Variants in SLC45A4 observed in about 807,000 individuals in gnomAD.
SLC45A4 encodes polyamine-transporter SLC45A4.
Under a neutral mutation model 63.7 loss-of-function variants are expected in SLC45A4, and 32 were observed. That is an observed-to-expected ratio of 0.50 (90% CI 0.38 to 0.67). The LOEUF is 0.67. Ranked by LOEUF, SLC45A4 falls within the 30% of genes least tolerant of loss-of-function variation. The pLI is 0.00. For synonymous variants in SLC45A4, 535 were observed against 510.0 expected (o/e 1.05, Z -0.66); for missense variants, 1,027 against 1,157.7 (o/e 0.89, Z 1.64).
chr8:141,216,699 G>A (rs770917617), intron 6 of SLC45A4, among the ~76,000 whole-genome samples: 3 of 147,426 alleles, frequency 2.0e-5, no homozygotes, highest in Non-Finnish European at 3.0e-5. Flanking sequence ...CTGTCACCCC[G>A]GCCCCATCCC....
rs573663144 is a variant in SLC45A4, at chr8:141,302,769, C to T, written c.-401+5327G>A. On this transcript the variant is annotated intron_variant, in intron 1 of 8. Coordinates refer to ENST00000517878, the MANE Select transcript of SLC45A4 (RefSeq NM_001286646.2). ...TCTACGATACTCAGGCAGTCCCCCTCGCCTCGTGTCTAACATGCTCTTAAT... is the reference window on the plus strand; with the variant it reads ...TCTACGATACTCAGGCAGTCCCCCTTGCCTCGTGTCTAACATGCTCTTAAT... Among the ~76,000 whole-genome samples, 5 of 152,338 alleles carry T rather than the reference C, an allele frequency of 3.3e-5. No individual in the cohort carries two copies. In the East Asian group the frequency reaches 7.7e-4, roughly 23 times the overall value.
At chr8:141,228,050 G>A (rs1450943759) in intron 2 of SLC45A4, 4 of 1,132,886 alleles carry the variant, frequency 3.5e-6, no homozygotes, top group Non-Finnish European at 3.9e-6. Flanking sequence ...TCTAGAGGGT[G>A]AGGCAGAGCC....
At chr8:141,237,028 G>A (rs1193356352) in intron 2 of SLC45A4, among the ~76,000 whole-genome samples, 13 of 152,022 alleles carry the variant, frequency 8.6e-5, no homozygotes, top group Admixed American at 7.9e-4. Flanking sequence ...TCATTTTTCG[G>A]CAGAAATAAT....
chr8:141,227,719 G>A lies in SLC45A4; in HGVS notation c.242-5954C>T, dbSNP rs1253803567. On this transcript the variant is annotated intron_variant, in intron 2 of 8. Transcript: ENST00000517878. This position sits in a 1 kb window ranked among gnomAD's most constrained non-coding sequence, Gnocchi z 4.4. ...CGAGGGCCCCACAGCTGCAAGGAAT[G>A]TTCCAGAACCACTACAGCCACAGGA... Among the ~76,000 whole-genome samples, 2 of 152,202 alleles carry A rather than the reference G, an allele frequency of 1.3e-5. No homozygotes were observed. The highest frequency in any genetic ancestry group is 2.9e-5 in the Non-Finnish European group (2 of 68,040).
intron 1 of SLC45A4, among the ~76,000 whole-genome samples, chr8:141,269,964 G>A (rs955091128): frequency 1.3e-5 from 2 of 152,012 alleles, no homozygotes; most frequent in African/African-American, 4.8e-5. Flanking sequence ...GTCTTTCCCC[G>A]CACTCCTCTG....
chr8:141,235,391 G>A (rs1040172151), intron 2 of SLC45A4, among the ~76,000 whole-genome samples: 1 of 152,212 alleles, frequency 6.6e-6, no homozygotes, highest in African/African-American at 2.4e-5. Context: ...TGTGGCTGCA[G>A]TTAAATCATG....
chr8:141,218,675 G>A lies in SLC45A4; in HGVS notation c.965C>T (p.Pro322Leu). 6 of 1,613,040 alleles carry A rather than the reference G, an allele frequency of 3.7e-6. No individual in the cohort carries two copies. Among genetic ancestry groups the A allele is most frequent in the Non-Finnish European group, 5.1e-6 (6 of 1,179,698 alleles). ...HVPDTALDLE[P>L]ELLFLHDIEP... Reference sequence around the variant, plus strand: ...GATGTCGTGCAGGAACAGCAGCTCGGGCTCCAGGTCCAGCGCGGTGTCCGG... The same window carrying A: ...GATGTCGTGCAGGAACAGCAGCTCGAGCTCCAGGTCCAGCGCGGTGTCCGG... Residue 322 changes from proline to leucine, a missense_variant, in exon 5 of 9, where the codon CCC becomes CTC. Physicochemically the swap from Pro to Leu is moderately conservative, Grantham distance 98. Transcript: ENST00000517878.
Position 141,211,144 on chromosome 8 carries a change from C to T in SLC45A4, c.*428G>A. 2 of 305,960 alleles carry T rather than the reference C, an allele frequency of 6.5e-6. No individual in the cohort carries two copies. The highest frequency in any genetic ancestry group is 1.2e-5 in the Non-Finnish European group (2 of 166,052). The allele number at this position is 305,960 out of a possible 1,614,324, so 19.0% of individuals were successfully genotyped here. Reference sequence around the variant, plus strand: ...CCACACACCCGAGGTAGCCTTGCGGCGGGACTTGGGAGGCAGGGCCCGCTG... The same window carrying T: ...CCACACACCCGAGGTAGCCTTGCGGTGGGACTTGGGAGGCAGGGCCCGCTG... On this transcript the variant is annotated 3_prime_UTR_variant, in exon 9 of 9. Transcript: ENST00000517878.
chr8:141,231,182 G>A (rs913104740), intron 2 of SLC45A4, among the ~76,000 whole-genome samples: 1 of 152,234 alleles, frequency 6.6e-6, no homozygotes, highest in Non-Finnish European at 1.5e-5. Context: ...GGTGCGGAGG[G>A]TGGGATGAAG....
intron 2 of SLC45A4, among the ~76,000 whole-genome samples, chr8:141,251,068 A>C (rs1416528779): frequency 6.6e-6 from 1 of 152,156 alleles, no homozygotes; most frequent in Non-Finnish European, 1.5e-5. Flanking sequence ...CAGGAACCGG[A>C]GGTTCTAAAT....
chr8:141,246,579 A>G (rs576595677), intron 2 of SLC45A4, among the ~76,000 whole-genome samples: 1 of 152,218 alleles, frequency 6.6e-6, no homozygotes, highest in Non-Finnish European at 1.5e-5. Context: ...ATGCTGCCAT[A>G]TTCTATTGGT....
chr8:141,218,031 T>C lies in SLC45A4; in HGVS notation c.1609A>G (p.Ile537Val), dbSNP rs774194996. ...VFYTDFMGQV[I>V]FEGDPKAPSN... is the part of the protein sequence containing the mutation. ...CTCACCTTGGGGTCGCCTTCGAAGATGACCTGGCCCATGAAGTCGGTGTAG... is the reference window on the plus strand; with the variant it reads ...CTCACCTTGGGGTCGCCTTCGAAGACGACCTGGCCCATGAAGTCGGTGTAG... Residue 537 changes from isoleucine to valine, a missense_variant, in exon 5 of 9, where the codon ATC becomes GTC. Physicochemically the swap from Ile to Val is conservative, Grantham distance 29. Transcript: ENST00000517878. 4 of 1,607,638 alleles carry C rather than the reference T, an allele frequency of 2.5e-6. No individual in the cohort carries two copies. Among genetic ancestry groups the C allele is most frequent in the Non-Finnish European group, 3.4e-6 (4 of 1,176,710 alleles).
chr8:141,303,563 T>C (rs1241273584), intron 1 of SLC45A4, among the ~76,000 whole-genome samples: 2 of 152,182 alleles, frequency 1.3e-5, no homozygotes. Context: ...TGCTATGCAT[T>C]TTTCACTCAA....
intron 2 of SLC45A4, among the ~76,000 whole-genome samples, chr8:141,250,533 GCAC>G (rs1828413295): frequency 6.6e-6 from 1 of 151,916 alleles, no homozygotes; most frequent in Non-Finnish European, 1.5e-5. Flanking sequence ...TTACAGGTGT[GCAC>G]CACCACATCC....
chr8:141,258,130 C>G (rs960347897), intron 1 of SLC45A4, among the ~76,000 whole-genome samples: 1 of 129,012 alleles, frequency 7.8e-6, no homozygotes, highest in Non-Finnish European at 1.6e-5. Context: ...GCTGGTCATT[C>G]TTGTAAATCC....
At chr8:141,301,257 T>C (rs1194048160) in intron 1 of SLC45A4, among the ~76,000 whole-genome samples, 1 of 152,200 alleles carries the variant, frequency 6.6e-6, no homozygotes, top group Non-Finnish European at 1.5e-5. Context: ...CCCAGCTCTT[T>C]GAGACCTCCT....
rs187687056 is a variant in SLC45A4, at chr8:141,250,123, T to C, written c.241+3866A>G. Among the ~76,000 whole-genome samples the C allele has an allele frequency of 4.9e-4, 74 of 152,330 alleles. 1 individual carries two copies. The highest frequency in any genetic ancestry group is 9.3e-4 in the Non-Finnish European group (63 of 68,036). On this transcript the variant is annotated intron_variant, in intron 2 of 8. Transcript: ENST00000517878. ...TCTATGGAACAGACACCCCTACAAC[T>C]TTGGAAAGCGACCTTCAATATGCAC...
rs780380066 is a variant in SLC45A4 at position 141,219,633 on chromosome 8, T to G, written c.610+17A>C. 1 of 1,591,410 alleles carries G rather than the reference T, an allele frequency of 6.3e-7. No homozygotes were observed. Among genetic ancestry groups the G allele is most frequent in the Admixed American group, 1.7e-5 (1 of 58,852 alleles). On this transcript the variant is annotated intron_variant, in intron 4 of 8. Coordinates refer to ENST00000517878, the MANE Select transcript of SLC45A4 (RefSeq NM_001286646.2). ...ACGTTGGAACCCGGCCACCCAGCCTTGGTGCGGCAGCGTTACCGGCAGAGA... is the reference window on the plus strand; with the variant it reads ...ACGTTGGAACCCGGCCACCCAGCCTGGGTGCGGCAGCGTTACCGGCAGAGA...
At chr8:141,232,045 C>A (rs542601911) in intron 2 of SLC45A4, among the ~76,000 whole-genome samples, 13 of 152,370 alleles carry the variant, frequency 8.5e-5, no homozygotes, top group African/African-American at 2.9e-4. Flanking sequence ...AGGCCCCACA[C>A]GCCAAGTGCC....
Sources: gnomAD v4.1 joint callset for allele counts (sites outside exome capture counted in the v4.1 genomes callset) on GRCh38, gnomAD v4.1.1 for gene constraint, Gnocchi (gnomAD v3.1) non-coding constraint, MANE v1.5 for transcripts, NCBI Gene and HGNC (gene_info 2026-07-23, HGNC 2026-07-21) for gene names.